The following TMC3 variants were observed in gnomAD, a reference collection of about 807,000 sequenced individuals.
The protein encoded by TMC3 is transmembrane channel like 3.
In TMC3, 98 loss-of-function variants were observed where a neutral mutation model predicts 110.6. The observed-to-expected ratio is 0.89, with a 90% confidence interval of 0.75 to 1.05. The LOEUF (loss-of-function observed/expected upper bound fraction) is 1.05, where lower values mean the gene tolerates loss of function less well. TMC3 is among the 50% of genes least tolerant of loss of function. TMC3 has a pLI of 0.00. For synonymous variants in TMC3, 489 were observed against 513.1 expected (o/e 0.95, Z 0.63); for missense variants, 1,319 against 1,373.2 (o/e 0.96, Z 0.62).
At chr15:81,372,489 T>C in intron 2 of TMC3, 102 bp downstream of exon 2, 1 of 1,437,974 alleles carries the variant, frequency 7.0e-7, no homozygotes, top group Non-Finnish European at 9.7e-7. Flanking sequence ...GACTGAGCCA[T>C]CTCTCTCACA....
intron 16 of TMC3, 35 bp downstream of exon 16, chr15:81,341,355 A>T (rs767379383): frequency 1.8e-5 from 29 of 1,582,940 alleles, no homozygotes; most frequent in Non-Finnish European, 2.4e-5. Context: ...ATGTATATAT[A>T]GTTATCTGCA....
intron 4 of TMC3, among the ~76,000 whole-genome samples, chr15:81,360,571 G>A (rs947357801): frequency 1.3e-5 from 2 of 152,156 alleles, no homozygotes; most frequent in African/African-American, 4.8e-5. Context: ...CAGGTGATTC[G>A]TTGAGGAAGC....
intron 11 of TMC3, among the ~76,000 whole-genome samples, chr15:81,347,236 G>C (rs1357935040): frequency 6.6e-6 from 1 of 152,238 alleles, no homozygotes; most frequent in African/African-American, 2.4e-5. Flanking sequence ...AGCCCTTGGA[G>C]AAAAATGAAG....
chr15:81,356,695 C>G, intron 7 of TMC3, 101 bp from the exon 8 acceptor site: 3 of 1,321,728 alleles, frequency 2.3e-6, no homozygotes, highest in Non-Finnish European at 3.1e-6. Context: ...GGCTGCACCC[C>G]TCTGGGTGGA....
intron 18 of TMC3, among the ~76,000 whole-genome samples, chr15:81,338,429 G>A (rs1893642797): frequency 6.6e-6 from 1 of 152,174 alleles, no homozygotes; most frequent in Non-Finnish European, 1.5e-5. Context: ...TGGCAATGGA[G>A]TGCTCCCTCA....
chr15:81,332,721 C>T lies in TMC3; in HGVS notation c.3001G>A (p.Glu1001Lys). 1 of 1,613,862 alleles carries T rather than the reference C, an allele frequency of 6.2e-7. No individual in the cohort carries two copies. The change falls in exon 22 of 22, where the codon GAG becomes AAG. Residue 1001 changes from glutamate to lysine, a missense_variant. Physicochemically the swap from Glu to Lys is moderately conservative, Grantham distance 56. Coordinates refer to ENST00000359440, the MANE Select transcript of TMC3 (RefSeq NM_001080532.3). ...VHYKSWNEDF[E>K]GHLERPAYVP... The stretch of plus-strand genomic sequence containing the variant: ...TAGGCTGGCCTCTCAAGGTGACCCT[C>T]AAAATCTTCATTCCACGACTTGTAG...
intron 10 of TMC3, among the ~76,000 whole-genome samples, 192 bp from the exon 11 acceptor site, chr15:81,349,759 C>CTTTTTTT (rs532576010): frequency 7.7e-6 from 1 of 129,482 alleles, no homozygotes; most frequent in Non-Finnish European, 1.6e-5. Context: ...TTATCATGGT[C>CTTTTTTT]TTTTTTTTTT....
intron 15 of TMC3, chr15:81,343,056 A>C (rs976766577): frequency 1.0e-5 from 5 of 482,050 alleles, no homozygotes; most frequent in Non-Finnish European, 1.9e-5. Flanking sequence ...GCTGCGACCA[A>C]TAGTAGCTTA....
rs1393653731 is a variant in TMC3, at chr15:81,332,050, C to T, written c.*369G>A. The T allele has an allele frequency of 1.0e-5, 2 of 193,022 alleles. No homozygotes were observed. Among genetic ancestry groups the T allele is most frequent in the East Asian group, 2.7e-4 (2 of 7,316 alleles). The allele number at this position is 193,022 out of a possible 1,614,324, so 12.0% of individuals were successfully genotyped here. On this transcript the variant is annotated 3_prime_UTR_variant, in exon 22 of 22. Transcript: ENST00000359440. ...TATGTTTTACGTTCTTTCATTCCTG[C>T]TTTAAAGCTTTTCAGTAAACTTTCA...
intron 16 of TMC3, among the ~76,000 whole-genome samples, chr15:81,339,900 T>G (rs1217585345): frequency 6.6e-6 from 1 of 152,236 alleles, no homozygotes; most frequent in African/African-American, 2.4e-5. Flanking sequence ...TTCCCAGGCT[T>G]GAACTTGTCT....
chr15:81,336,673 T>C, intron 19 of TMC3, 22 bp from the exon 20 acceptor site: 1 of 1,613,546 alleles, frequency 6.2e-7, no homozygotes, highest in Non-Finnish European at 8.5e-7. Context: ...ATGATATGCA[T>C]GTTTGTTTTG....
At position 81,344,924 on chromosome 15, in the gene TMC3, AC is replaced by A; in HGVS notation, c.1359del (p.Trp453CysfsTer31). ...ATRTAPEEEK[W>X]STSRPGMGLR... The stretch of plus-strand genomic sequence containing the variant: ...AGCCCCATTCCAGGCCGAGATGTGG[AC>A]CATTTCTCTTCTTCAGGGGCTGTCC... On this transcript the variant is annotated frameshift_variant, in exon 13 of 22. Transcript: ENST00000359440. LOFTEE classifies it high-confidence loss of function. The A allele has an allele frequency of 6.2e-7, 1 of 1,613,718 alleles. No individual in the cohort carries two copies. The highest frequency in any genetic ancestry group is 8.5e-7 in the Non-Finnish European group (1 of 1,179,832).
intron 11 of TMC3, among the ~76,000 whole-genome samples, chr15:81,348,471 C>T (rs1324376303): frequency 6.6e-6 from 1 of 152,164 alleles, no homozygotes; most frequent in Non-Finnish European, 1.5e-5. Flanking sequence ...CAGGAAAATA[C>T]TGATAAAGCC....
intron 21 of TMC3, among the ~76,000 whole-genome samples, chr15:81,334,479 T>C (rs184020537): frequency 2.0e-5 from 3 of 152,284 alleles, no homozygotes; most frequent in Admixed American, 6.5e-5. Flanking sequence ...TTATCCTAGG[T>C]TGGCTGGAAG....
intron 3 of TMC3, among the ~76,000 whole-genome samples, chr15:81,365,974 A>G (rs1456610334): frequency 6.6e-6 from 1 of 152,208 alleles, no homozygotes; most frequent in East Asian, 1.9e-4. Context: ...TGCACATATC[A>G]TTATACATAC....
chr15:81,332,372 C>A lies in TMC3; in HGVS notation c.*47G>T. ...AGGGAGATGCCATGTGCTGGCCCAGCACTCCAACAGGGGCCTGACCTCTAG... is the reference window on the plus strand; with the variant it reads ...AGGGAGATGCCATGTGCTGGCCCAGAACTCCAACAGGGGCCTGACCTCTAG... On this transcript the variant is annotated 3_prime_UTR_variant, in exon 22 of 22. Transcript: ENST00000359440. 1 of 1,536,964 alleles carries A rather than the reference C, an allele frequency of 6.5e-7. No homozygotes were observed. Among genetic ancestry groups the A allele is most frequent in the Non-Finnish European group, 8.8e-7 (1 of 1,140,098 alleles).
intron 20 of TMC3, chr15:81,335,601 T>C (rs975428746): frequency 2.6e-4 from 40 of 152,644 alleles, no homozygotes; most frequent in African/African-American, 9.7e-4. Flanking sequence ...GCCTTAGAGG[T>C]CTTGCTCAGA....
At chr15:81,344,199 T>G (rs2141699942) in intron 13 of TMC3, among the ~76,000 whole-genome samples, 154 bp from the exon 14 acceptor site, 1 of 152,334 alleles carries the variant, frequency 6.6e-6, no homozygotes, top group African/African-American at 2.4e-5. Flanking sequence ...TAAGTTGCAG[T>G]GGGCAGAGGA....
rs79342833 is a variant in TMC3, at chr15:81,348,240, A to G, written c.1193+1218T>C. Among the ~76,000 whole-genome samples, 1,098 of 152,316 alleles carry G rather than the reference A, an allele frequency of 7.2e-3. 17 individuals are homozygous for G. The highest frequency in any genetic ancestry group is 0.025 in the African/African-American group (1,043 of 41,564). On this transcript the variant is annotated intron_variant, in intron 11 of 21. Coordinates refer to ENST00000359440, the MANE Select transcript of TMC3 (RefSeq NM_001080532.3). The stretch of plus-strand genomic sequence containing the variant: ...TCCTGAATGAGAGCAAATCTTCCCA[A>G]AGTGGTCTGTGGAAAATTAGTTCTG...
Sources: gnomAD v4.1 joint callset for allele counts (sites outside exome capture counted in the v4.1 genomes callset) on GRCh38, gnomAD v4.1.1 for gene constraint, MANE v1.5 for transcripts, NCBI Gene and HGNC (gene_info 2026-07-23, HGNC 2026-07-21) for gene names.